Variants in ARHGAP8 observed in about 807,000 individuals in gnomAD.
ARHGAP8 encodes Rho GTPase activating protein 8, also known as rho GTPase-activating protein 8.
Under a neutral mutation model 46.1 loss-of-function variants are expected in ARHGAP8, and 62 were observed. The ratio of observed to expected loss-of-function variants is 1.34; its 90% CI spans 1.10 to 1.66. The LOEUF is 1.66. Ranked by LOEUF, ARHGAP8 falls within the 40% of genes most tolerant of loss-of-function variation. ARHGAP8 has a pLI of 0.00. For synonymous variants in ARHGAP8, 375 were observed against 243.1 expected, an observed-to-expected ratio of 1.54 and a Z score of -5.05; for missense variants, 923 against 568.4, an observed-to-expected ratio of 1.62 and a Z score of -6.34.
intron 1 of ARHGAP8, among the ~76,000 whole-genome samples, chr22:44,782,258 A>C (rs1360600107): frequency 6.6e-6 from 1 of 152,124 alleles, no homozygotes; most frequent in Non-Finnish European, 1.5e-5. Context: ...AATCGCTTGA[A>C]CCGGAGAGGA....
At chr22:44,802,533 C>T (rs1928631364) in intron 3 of ARHGAP8, among the ~76,000 whole-genome samples, 1 of 152,226 alleles carries the variant, frequency 6.6e-6, no homozygotes, top group Non-Finnish European at 1.5e-5. Flanking sequence ...TTTGAAACCT[C>T]CCTGGGCCTC....
intron 6 of ARHGAP8, among the ~76,000 whole-genome samples, chr22:44,824,427 G>T (rs145340600): frequency 1.1e-3 from 167 of 152,230 alleles, no homozygotes; most frequent in Middle Eastern, 6.8e-3. Context: ...GCATTGTCGG[G>T]TGCCTAACCC....
intron 7 of ARHGAP8, among the ~76,000 whole-genome samples, chr22:44,835,545 G>A (rs67373686): frequency 0.18 from 27,336 of 152,066 alleles, 2,563 homozygotes; most frequent in South Asian, 0.21. Context: ...CACTTGAACC[G>A]GGGAGGCGGA....
In ARHGAP8 at chr22:44,808,360, A is replaced by G. The variant is rs146945151; in HGVS notation, c.221A>G (p.Tyr74Cys). ...GTTGAGAACGATTATACCATCGTCT[A>G]TTTCCACTACGGGCTGAACAGCCGG... Reference protein sequence around the residue: ...QYVENDYTIVYFHYGLNSRNK... With the variant: ...QYVENDYTIVCFHYGLNSRNK... The change falls in exon 4 of 12, where the codon TAT becomes TGT. Residue 74 changes from tyrosine to cysteine, a missense_variant. Transcript: ENST00000356099. The G allele has an allele frequency of 5.0e-5, 80 of 1,614,142 alleles. No individual in the cohort carries two copies. Among genetic ancestry groups the G allele is most frequent in the East Asian group, 1.6e-4 (7 of 44,898 alleles).
At chr22:44,790,412 A>G (rs936586272) in intron 2 of ARHGAP8, among the ~76,000 whole-genome samples, 16 of 152,048 alleles carry the variant, frequency 1.1e-4, no homozygotes, top group African/African-American at 3.9e-4. Context: ...GCCATGGTTC[A>G]TGCCTGTAAT....
At chr22:44,763,586 A>C (rs1925313932) in intron 1 of ARHGAP8, among the ~76,000 whole-genome samples, 1 of 151,026 alleles carries the variant, frequency 6.6e-6, no homozygotes, top group Admixed American at 6.6e-5. Context: ...GATTTTATTT[A>C]GCTCATGAGA....
intron 1 of ARHGAP8, among the ~76,000 whole-genome samples, chr22:44,782,507 C>T (rs1056655059): frequency 3.9e-5 from 6 of 152,094 alleles, no homozygotes; most frequent in Admixed American, 6.5e-5. Context: ...TGCCCTCCCT[C>T]CCTCCATTCC....
chr22:44,850,300 G>A (rs1307226116), intron 10 of ARHGAP8: 2 of 152,246 alleles, frequency 1.3e-5, no homozygotes, highest in Non-Finnish European at 2.9e-5. Context: ...GCTAGTGGAT[G>A]GGAAGCCTGG....
chr22:44,806,877 C>T (rs1022126362), intron 3 of ARHGAP8, among the ~76,000 whole-genome samples: 4 of 150,498 alleles, frequency 2.7e-5, no homozygotes, highest in Admixed American at 6.6e-5. Flanking sequence ...GGCACGAGAA[C>T]GGCGTGAATC....
At chr22:44,856,445 T>G (rs1040782268) in intron 10 of ARHGAP8, among the ~76,000 whole-genome samples, 1 of 152,012 alleles carries the variant, frequency 6.6e-6, no homozygotes, top group Non-Finnish European at 1.5e-5. Context: ...GGCTAATTTT[T>G]GTATTTTTAG....
chr22:44,793,831 C>G (rs1315362811), intron 2 of ARHGAP8, among the ~76,000 whole-genome samples: 1 of 152,140 alleles, frequency 6.6e-6, no homozygotes, highest in Non-Finnish European at 1.5e-5. Context: ...CATATTGAAG[C>G]CTGGTTTTGA....
intron 1 of ARHGAP8, among the ~76,000 whole-genome samples, chr22:44,778,240 C>G (rs1455586657): frequency 6.6e-6 from 1 of 152,080 alleles, no homozygotes; most frequent in Non-Finnish European, 1.5e-5. Flanking sequence ...CCTTTGCATC[C>G]TCATAGCTTA....
chr22:44,792,439 G>A (rs916466907), intron 2 of ARHGAP8, among the ~76,000 whole-genome samples: 2 of 152,072 alleles, frequency 1.3e-5, no homozygotes, highest in South Asian at 2.1e-4. Context: ...CATCAGCTTC[G>A]TTCTCTCGTA....
At chr22:44,818,705 C>CTCTT (rs1555914950) in intron 5 of ARHGAP8, among the ~76,000 whole-genome samples, 7,557 of 151,878 alleles carry the variant, frequency 0.05, 610 homozygotes, top group African/African-American at 0.17. Context: ...CCTTCCTTTT[C>CTCTT]TCTTTTTTTT....
chr22:44,859,881 C>G (rs774105001), intron 11 of ARHGAP8, 47 bp downstream of exon 11: 4 of 1,599,094 alleles, frequency 2.5e-6, no homozygotes, highest in African/African-American at 1.3e-5. Context: ...GTGGCCTTCC[C>G]TCCCATGCTG....
intron 1 of ARHGAP8, among the ~76,000 whole-genome samples, chr22:44,755,967 G>C (rs1924638705): frequency 6.6e-6 from 1 of 152,180 alleles, no homozygotes; most frequent in Non-Finnish European, 1.5e-5. Flanking sequence ...AACTAAATGA[G>C]TTAATGCATG....
chr22:44,861,759 A>G (rs945960188), intron 11 of ARHGAP8, among the ~76,000 whole-genome samples: 9 of 152,152 alleles, frequency 5.9e-5, no homozygotes, highest in African/African-American at 1.9e-4. Context: ...CTCATCTGTA[A>G]GATGGGGAGT....
chr22:44,828,735 A>G (rs1569166711), intron 7 of ARHGAP8, among the ~76,000 whole-genome samples: 1 of 151,772 alleles, frequency 6.6e-6, no homozygotes, highest in Non-Finnish European at 1.5e-5. Flanking sequence ...GGCGTCAGCC[A>G]GCACACCTAG....
chr22:44,774,022 G>T (rs1293299613), intron 1 of ARHGAP8, among the ~76,000 whole-genome samples: 1 of 152,224 alleles, frequency 6.6e-6, no homozygotes, highest in African/African-American at 2.4e-5. Context: ...TCTCTATGAG[G>T]AAGGTGCTGT....
Sources: allele counts gnomAD v4.1 joint callset (sites outside exome capture counted in the v4.1 genomes callset), GRCh38; gene constraint gnomAD v4.1.1; transcripts MANE v1.5; gene names NCBI Gene and HGNC (gene_info 2026-07-23, HGNC 2026-07-21).